MCF2L: variants seen among roughly 807,000 people sequenced by gnomAD.
MCF2L encodes the protein MCF.2 cell line derived transforming sequence like.
MCF2L carries 97 observed loss-of-function variants against 153.4 expected under a neutral mutation model. The observed-to-expected ratio is 0.63, with a 90% CI of 0.54 to 0.75. MCF2L has a LOEUF of 0.75. MCF2L is among the 30% of genes least tolerant of loss of function. MCF2L has a pLI of 0.00. For missense variants in MCF2L, 1,347 were observed against 1,495.2 expected, an observed-to-expected ratio of 0.90 and a Z score of 1.64; for synonymous variants, 659 against 632.2, an observed-to-expected ratio of 1.04 and a Z score of -0.64.
intron 1 of MCF2L, among the ~76,000 whole-genome samples, chr13:112,992,851 CT>C (rs2082946396): frequency 6.6e-6 from 1 of 152,226 alleles, no homozygotes; most frequent in Admixed American, 6.5e-5. Flanking sequence ...TTTAAAAGCA[CT>C]GACTTTCACA....
At chr13:113,086,270 G>C in intron 21 of MCF2L, 21 bp downstream of exon 21, 2 of 1,606,450 alleles carry the variant, frequency 1.2e-6, no homozygotes, top group Non-Finnish European at 1.7e-6. Context: ...CAGATGCCCG[G>C]TCTTCCCCGC....
At position 113,065,026 on chromosome 13, in the gene MCF2L, G is replaced by A. The variant is rs2032137343; in HGVS notation, c.697G>A (p.Asp233Asn). ...TELAETELPN[D>N]VQSTSSVLCA... ...GCTGGCTGAAACAGAGCTGCCCAAT[G>A]ACGTCCAGTCGACAAGCTCAGTGCT... The change falls in exon 7 of 30, where the codon GAC (aspartate) becomes AAC (asparagine). Residue 233 changes from aspartate (D) to asparagine (N), a missense_variant. Asp to Asn is a conservative substitution (Grantham distance 23, BLOSUM62 1). Transcript: ENST00000535094. 6.2e-7 allele frequency: 1 copy of A among 1,612,722 alleles called. No homozygotes were observed. Among genetic ancestry groups the A allele is most frequent in the Admixed American group, 1.7e-5 (1 of 59,986 alleles).
intron 1 of MCF2L, among the ~76,000 whole-genome samples, chr13:112,898,247 G>C (rs552336641): frequency 1.3e-5 from 2 of 152,312 alleles, no homozygotes; most frequent in South Asian, 2.1e-4. Flanking sequence ...ATGTGTGGCC[G>C]ACGTAAAGTC....
At chr13:112,964,183 G>A (rs2081866630) in intron 2 of MCF2L, among the ~76,000 whole-genome samples, 1 of 152,238 alleles carries the variant, frequency 6.6e-6, no homozygotes. Flanking sequence ...AACAACTCTT[G>A]AGGTTCCCTT....
chr13:112,988,143 C>T (rs1052698654), intron 1 of MCF2L, among the ~76,000 whole-genome samples: 2 of 151,982 alleles, frequency 1.3e-5, no homozygotes, highest in Non-Finnish European at 2.9e-5. Context: ...GGGAAGTCGA[C>T]GGCATCTGTG....
In MCF2L at chr13:113,084,671, G is replaced by A. The variant is rs549219234; in HGVS notation, c.2062-221G>A. ...TGCTCTGGGAAGTCAGGGGCTCTGG[G>A]ACAGGGAGCCCCATTAATGGAGGGC... On this transcript the variant is annotated intron_variant, in intron 18 of 29. Coordinates refer to ENST00000535094, the MANE Select transcript of MCF2L (RefSeq NM_001112732.3). The A allele has an allele frequency of 2.4e-5, 14 of 583,462 alleles. No individual in the cohort carries two copies. The East Asian group carries it at 4.0e-4, about 16-fold the overall frequency. 36.1% of individuals were successfully genotyped at this position (583,462 alleles called of 1,614,324 possible). A position where few individuals can be genotyped will look rare whatever the true frequency, so the allele number is the denominator to read the frequency against.
chr13:113,014,235 T>A (rs751985255), intron 1 of MCF2L, among the ~76,000 whole-genome samples: 2 of 152,172 alleles, frequency 1.3e-5, no homozygotes, highest in Non-Finnish European at 2.9e-5. Context: ...CTCATTTGTG[T>A]CCGTCTAATG....
intron 1 of MCF2L, among the ~76,000 whole-genome samples, chr13:112,980,665 G>A (rs902802481): frequency 1.6e-5 from 1 of 63,394 alleles, no homozygotes; most frequent in African/African-American, 4.6e-5. Flanking sequence ...CCTTTCCCCC[G>A]CCTTGGGCAC....
In MCF2L at chr13:112,948,216, AC is replaced by A. The variant is rs201635408; in HGVS notation, c.169+45847del. On this transcript the variant is annotated intron_variant, in intron 2 of 29. Coordinates refer to the MCF2L transcript ENST00000375608. ...TTAGTCCATAATCTTTATGAATAACACCAGGCTTCCTTCAATCCATACTAAT... is the reference window on the plus strand; with the variant it reads ...TTAGTCCATAATCTTTATGAATAACACAGGCTTCCTTCAATCCATACTAAT... Among the ~76,000 whole-genome samples the A allele has an allele frequency of 2.2e-3, 334 of 152,374 alleles. 7 individuals are homozygous for A. In the East Asian group the frequency reaches 0.033, roughly 15 times the overall value.
intron 4 of MCF2L, among the ~76,000 whole-genome samples, chr13:113,049,746 T>G (rs1251440248): frequency 4.6e-5 from 7 of 152,134 alleles, no homozygotes; most frequent in Non-Finnish European, 1.0e-4. Context: ...CTCCAAGCGC[T>G]CGGCCACCGA....
chr13:112,926,684 A>G (rs1372012438), intron 2 of MCF2L, among the ~76,000 whole-genome samples: 1 of 152,208 alleles, frequency 6.6e-6, no homozygotes, highest in Non-Finnish European at 1.5e-5. Context: ...CCCAAAGGAC[A>G]TTCTGTTAAG....
chr13:113,013,057 G>C (rs1393187900), intron 1 of MCF2L, among the ~76,000 whole-genome samples: 2 of 152,104 alleles, frequency 1.3e-5, no homozygotes, highest in Non-Finnish European at 2.9e-5. Context: ...AGTGCCTCCT[G>C]GTTTCCTCTC....
At chr13:112,979,325 A>G (rs1219980921) in intron 1 of MCF2L, 1 of 1,226,602 alleles carries the variant, frequency 8.2e-7, no homozygotes, top group Non-Finnish European at 1.0e-6. Context: ...ACTTGCACAC[A>G]GCAGGCAGGC....
intron 15 of MCF2L, among the ~76,000 whole-genome samples, chr13:113,079,356 C>T (rs1050952478): frequency 7.2e-5 from 11 of 151,868 alleles, no homozygotes; most frequent in Middle Eastern, 3.5e-3. Flanking sequence ...GAGGCACACG[C>T]GGCTCCCTCC....
At chr13:112,952,434 A>G (rs866502753) in intron 2 of MCF2L, among the ~76,000 whole-genome samples, 1 of 152,158 alleles carries the variant, frequency 6.6e-6, no homozygotes, top group Non-Finnish European at 1.5e-5. Flanking sequence ...TTTCCTGCCA[A>G]CCACCTCCTT....
intron 27 of MCF2L, 171 bp downstream of exon 27, chr13:113,094,806 C>A: frequency 9.5e-7 from 1 of 1,054,038 alleles, no homozygotes; most frequent in Non-Finnish European, 1.4e-6. Flanking sequence ...CTCCTCCTAA[C>A]TCTCTCTGGA....
At chr13:112,909,343 A>G in intron 2 of MCF2L, 1 of 778,560 alleles carries the variant, frequency 1.3e-6, no homozygotes, top group Non-Finnish European at 2.4e-6. Flanking sequence ...CTCTGTGTCT[A>G]CAGACCCGGC....
At chr13:112,971,634 A>G (rs1177214762) in intron 1 of MCF2L, among the ~76,000 whole-genome samples, 1 of 152,202 alleles carries the variant, frequency 6.6e-6, no homozygotes, top group Middle Eastern at 3.2e-3. Context: ...TAGAACCTTC[A>G]TTAGCTAGGC....
chr13:113,096,729 G>C (rs772074100), intron 29 of MCF2L, 45 bp from the exon 30 acceptor site: 4 of 1,553,888 alleles, frequency 2.6e-6, no homozygotes, highest in South Asian at 1.2e-5. Flanking sequence ...GTGTGTGCCC[G>C]GCAGAGCCGA....
Sources: allele counts gnomAD v4.1 joint callset (sites outside exome capture counted in the v4.1 genomes callset), GRCh38; gene constraint gnomAD v4.1.1; transcripts MANE v1.5; gene names NCBI Gene and HGNC (gene_info 2026-07-23, HGNC 2026-07-21).